MED14: variants seen among roughly 807,000 people sequenced by gnomAD.
MED14 encodes mediator complex subunit 14.
Under a neutral mutation model 109.0 loss-of-function variants are expected in MED14, and 8 were observed. The ratio of observed to expected loss-of-function variants is 0.07; its 90% CI spans 0.04 to 0.13. The LOEUF (loss-of-function observed/expected upper bound fraction) is 0.13, where lower values mean the gene tolerates loss of function less well. MED14 is among the 10% of genes least tolerant of loss of function. The probability of loss-of-function intolerance (pLI) is 1.00; values close to 1 mark genes in which losing one functional copy is unlikely to be tolerated. For synonymous variants in MED14, 399 were observed against 408.7 expected (o/e 0.98, Z 0.29); for missense variants, 711 against 1,142.4 (o/e 0.62, Z 5.44).
At position 40,712,068 on chromosome X, in the gene MED14, G is replaced by A. The variant is rs774580076; in HGVS notation, c.889+118C>T. 1.1e-5 allele frequency: 5 copies of A among 459,466 alleles called. No homozygotes were observed. The South Asian group carries it at 2.4e-4, about 22-fold the overall frequency. The allele number at this position is 459,466 out of a possible 1,213,427, so 37.9% of individuals were successfully genotyped here. A position where few individuals can be genotyped will look rare whatever the true frequency, so the allele number is the denominator to read the frequency against. On this transcript the variant is annotated intron_variant, in intron 7 of 30. Transcript: ENST00000324817. Reference sequence around the variant, plus strand: ...CCCTATCTGCACCTCAAAAAGGGTGGGGGAGATGGGGGCAAGGAATGTAGG... The same window carrying A: ...CCCTATCTGCACCTCAAAAAGGGTGAGGGAGATGGGGGCAAGGAATGTAGG...
chrX:40,700,363 C>CAAAAA (rs749901603), intron 12 of MED14, among the ~76,000 whole-genome samples: 2 of 4,955 alleles, frequency 4.0e-4, no homozygotes, highest in African/African-American at 6.9e-4. Flanking sequence ...AACCCTGTCT[C>CAAAAA]AAAAAAAAAA....
chrX:40,723,114 C>T (rs1931774997), intron 3 of MED14, among the ~76,000 whole-genome samples: 1 of 112,067 alleles, frequency 8.9e-6, no homozygotes, highest in Admixed American at 9.4e-5. Flanking sequence ...CTACTCCTAT[C>T]TTCAGTAGAA....
chrX:40,677,068 C>T (rs774426759), intron 21 of MED14, among the ~76,000 whole-genome samples: 67 of 111,781 alleles, frequency 6.0e-4, no homozygotes, highest in African/African-American at 2.0e-3. Context: ...TCACTGAGCT[C>T]GGTTATCTCT....
At chrX:40,653,215 G>C (rs183368066) in intron 30 of MED14, among the ~76,000 whole-genome samples, 25 of 111,528 alleles carry the variant, frequency 2.2e-4, no homozygotes, top group African/African-American at 5.5e-4. Context: ...AGGTTCTACT[G>C]GACTGTTACT....
At chrX:40,717,230 A>AT (rs747335535) in intron 3 of MED14, among the ~76,000 whole-genome samples, 10 of 110,679 alleles carry the variant, frequency 9.0e-5, no homozygotes, top group Middle Eastern at 4.7e-3. Flanking sequence ...ATGTATCAAA[A>AT]TATCACATGT....
chrX:40,712,155 C>G (rs1258378142), intron 7 of MED14, 31 bp downstream of exon 7: 4 of 1,069,122 alleles, frequency 3.7e-6, no homozygotes, highest in Non-Finnish European at 5.1e-6. Context: ...AAAATCCTTA[C>G]AAATATATGT....
At chrX:40,732,290 G>A (rs955811994) in intron 1 of MED14, among the ~76,000 whole-genome samples, 1 of 112,463 alleles carries the variant, frequency 8.9e-6, no homozygotes, top group African/African-American at 3.2e-5. Context: ...AGGCCAAGGC[G>A]GGTAGATCAC....
rs753277217 is a variant in MED14 at position 40,659,211 on chromosome X, T to C, written c.3972+16A>G. On this transcript the variant is annotated intron_variant, in intron 28 of 30. Transcript: ENST00000324817. ...TCAAACAAACCTTGCTAGAAATGTA[T>C]ATCTCTGTGACTTACCAGCTCCAGC... 3 of 1,104,372 alleles carry C rather than the reference T, an allele frequency of 2.7e-6. No individual in the cohort carries two copies. Among genetic ancestry groups the C allele is most frequent in the Non-Finnish European group, 3.6e-6 (3 of 825,384 alleles). The allele number at this position is 1,104,372 out of a possible 1,213,427, so 91.0% of individuals were successfully genotyped here.
At chrX:40,670,767 C>CAAAA (rs35103655) in intron 23 of MED14, among the ~76,000 whole-genome samples, 4 of 79,196 alleles carry the variant, frequency 5.1e-5, no homozygotes, top group African/African-American at 2.1e-4. Flanking sequence ...GACTCTGTCT[C>CAAAA]AAAAAAAAAA....
intron 15 of MED14, 47 bp from the exon 16 acceptor site, chrX:40,688,577 C>T (rs1221138936): frequency 1.1e-6 from 1 of 901,956 alleles, no homozygotes; most frequent in Non-Finnish European, 1.6e-6. Context: ...TTTACAAAAA[C>T]AACTACCATT....
At position 40,697,130 on chromosome X, in the gene MED14, A is replaced by G; in HGVS notation, c.1544T>C (p.Ile515Thr). ...GGAAAGCTGCAATGTTTCACTGCTT[A>G]TCGTAGGCAGATGTTTTATAGACTG... ...CKQSIKHLPT[I>T]SSETLQLSNY... is the part of the protein sequence containing the mutation. Residue 515 changes from isoleucine to threonine, a missense_variant, in exon 13 of 31, where the codon ATA becomes ACA. Around this residue, in one of 8 missense-constraint regions of MED14, gnomAD observed 388 missense variants for 517.3 expected, o/e 0.75. Transcript: ENST00000324817. 9.2e-6 allele frequency: 11 copies of G among 1,196,708 alleles called. No homozygotes were observed. Among genetic ancestry groups the G allele is most frequent in the Non-Finnish European group, 1.2e-5 (11 of 881,852 alleles).
chrX:40,649,530 A>C lies in MED14; in HGVS notation c.*2276T>G. 5 of 694,554 alleles carry C rather than the reference A, an allele frequency of 7.2e-6. No individual in the cohort carries two copies. The highest frequency in any genetic ancestry group is 9.4e-6 in the Non-Finnish European group (5 of 532,419). 57.2% of individuals were successfully genotyped at this position (694,554 alleles called of 1,213,427 possible). A position where few individuals can be genotyped will look rare whatever the true frequency, so the allele number is the denominator to read the frequency against. On this transcript the variant is annotated 3_prime_UTR_variant, in exon 31 of 31. Transcript: ENST00000324817. Reference sequence around the variant, plus strand: ...GAAAACATCTTCATCAAAATTAACTAGAGAGTTGGTAGTTCTCTGAAACTT... The same window carrying C: ...GAAAACATCTTCATCAAAATTAACTCGAGAGTTGGTAGTTCTCTGAAACTT...
intron 25 of MED14, 90 bp from the exon 26 acceptor site, chrX:40,663,250 C>T: frequency 1.4e-6 from 1 of 696,474 alleles, no homozygotes; most frequent in Non-Finnish European, 2.2e-6. Flanking sequence ...CTTTGATGTT[C>T]TAAATCATTC....
At chrX:40,715,045 G>A (rs5918030) in intron 3 of MED14, 40,221 of 150,297 alleles carry the variant, frequency 0.27, 4,938 homozygotes, top group African/African-American at 0.52. Context: ...GAGTTGGTTG[G>A]TAATGAAGGA....
At chrX:40,693,529 G>C (rs1407399595) in intron 13 of MED14, among the ~76,000 whole-genome samples, 1 of 111,617 alleles carries the variant, frequency 9.0e-6, no homozygotes, top group East Asian at 2.8e-4. Flanking sequence ...ATGGAACTGT[G>C]AGTCCAATTA....
intron 26 of MED14, 137 bp from the exon 27 acceptor site, chrX:40,659,744 C>T: frequency 8.0e-6 from 4 of 497,250 alleles, no homozygotes; most frequent in Non-Finnish European, 1.3e-5. Flanking sequence ...TGAGCATCAG[C>T]TGCTGGCAAC....
In MED14 at chrX:40,697,783, A is replaced by T. The variant is rs917003137; in HGVS notation, c.1491-600T>A. 3.2e-4 allele frequency among the ~76,000 whole-genome samples: 36 copies of T among 112,086 alleles called. 1 individual carries two copies. Among genetic ancestry groups the T allele is most frequent in the African/African-American group, 1.1e-3 (35 of 30,784 alleles). On this transcript the variant is annotated intron_variant, in intron 12 of 30. Coordinates refer to ENST00000324817, the MANE Select transcript of MED14 (RefSeq NM_004229.4). ...CATAATGAAACTACAGAAAATAAGA[A>T]TTTTCACAGCAGCATAACGATGCCA...
chrX:40,693,950 T>C, intron 13 of MED14, among the ~76,000 whole-genome samples: 1 of 110,977 alleles, frequency 9.0e-6, no homozygotes, highest in African/African-American at 3.3e-5. Flanking sequence ...CCAGCTGGAG[T>C]GCAGTGGCAC....
rs771876635 is a variant in MED14, at chrX:40,732,050, A to C, written c.216-2705T>G. Among the ~76,000 whole-genome samples the C allele has an allele frequency of 3.4e-4, 38 of 112,771 alleles. No homozygotes were observed. In the South Asian group the frequency reaches 0.014, roughly 41 times the overall value. On this transcript the variant is annotated intron_variant, in intron 1 of 30. Transcript: ENST00000324817. ...AAGAAAAATAAAGCAGCAAGTAAGAAGGACAGAGTGAAGGGGCAGAGTACT... is the reference window on the plus strand; with the variant it reads ...AAGAAAAATAAAGCAGCAAGTAAGACGGACAGAGTGAAGGGGCAGAGTACT...
Sources: allele counts gnomAD v4.1 joint callset (sites outside exome capture counted in the v4.1 genomes callset), GRCh38; gene constraint gnomAD v4.1.1; regional missense constraint gnomAD v4.1.1; transcripts MANE v1.5; gene names NCBI Gene and HGNC (gene_info 2026-07-23, HGNC 2026-07-21).